LRRN4: variants seen among roughly 807,000 people sequenced by gnomAD.
The protein encoded by LRRN4 is leucine rich repeat neuronal 4, also known as leucine-rich repeat neuronal protein 4.
Under a neutral mutation model 22.3 loss-of-function variants are expected in LRRN4, and 26 were observed. The ratio of observed to expected loss-of-function variants is 1.16; its 90% CI spans 0.85 to 1.62. LRRN4 has a LOEUF of 1.62. LRRN4 is among the 40% of genes most tolerant of loss of function. The pLI is 0.00. For missense variants in LRRN4, 1,070 were observed against 1,008.5 expected, an observed-to-expected ratio of 1.06 and a Z score of -0.83; for synonymous variants, 496 against 486.2, an observed-to-expected ratio of 1.02 and a Z score of -0.26.
intron 3 of LRRN4, among the ~76,000 whole-genome samples, chr20:6,045,379 G>A (rs1013689577): frequency 2.7e-5 from 4 of 148,326 alleles, no homozygotes; most frequent in Non-Finnish European, 6.0e-5. Flanking sequence ...CAGAGGTTGC[G>A]GTGAGCCAAG....
chr20:6,051,258 A>G (rs918011867), intron 2 of LRRN4, among the ~76,000 whole-genome samples: 2 of 152,226 alleles, frequency 1.3e-5, no homozygotes, highest in Non-Finnish European at 2.9e-5. Context: ...AGCGGCAGAG[A>G]CAAGGCTTGA....
At chr20:6,042,379 A>C in intron 4 of LRRN4, 133 bp from the exon 5 acceptor site, 1 of 929,672 alleles carries the variant, frequency 1.1e-6, no homozygotes, top group Non-Finnish European at 1.6e-6. Flanking sequence ...CCCAGGGCAC[A>C]CACGCCGCAC....
Position 6,042,145 on chromosome 20 carries a change from C to T in LRRN4, c.1100G>A (p.Ser367Asn). Residue 367 changes from serine to asparagine, a missense_variant, in exon 5 of 5, where the codon AGC (serine) becomes AAC (asparagine). Ser to Asn is a conservative substitution (Grantham distance 46). Coordinates refer to ENST00000378858, the MANE Select transcript of LRRN4 (RefSeq NM_152611.5). ...TGGGTGTGAAGCCCCGAGAGTGGTG[C>T]TTTGGTCGGACTGGCACACTCCGGG... is the stretch of plus-strand genomic sequence containing the variant. ...QLPGVCQSDQ[S>N]TTLGASHPPC... The T allele has an allele frequency of 6.2e-7, 1 of 1,614,116 alleles. No individual in the cohort carries two copies.
rs1981229835 is a variant in LRRN4 at position 6,050,957 on chromosome 20, G to T, written c.682C>A (p.Pro228Thr). ...CTCAGGTAGAGGGATGTGAGCTTCG[G>T]CAGGTCTCTGATCCACCCTGACTCA... ...RVESGWIRDL[P>T]KLTSLYLRKM... Residue 228 changes from proline to threonine, a missense_variant, in exon 3 of 5, where the codon CCG (proline) becomes ACG (threonine). Pro to Thr is a conservative substitution (Grantham distance 38). Coordinates refer to ENST00000378858, the MANE Select transcript of LRRN4 (RefSeq NM_152611.5). The T allele has an allele frequency of 6.2e-7, 1 of 1,614,046 alleles. No individual in the cohort carries two copies. Among genetic ancestry groups the T allele is most frequent in the Admixed American group, 1.7e-5 (1 of 60,010 alleles).
chr20:6,046,251 C>T (rs936748938), intron 3 of LRRN4, among the ~76,000 whole-genome samples: 1 of 148,646 alleles, frequency 6.7e-6, no homozygotes, highest in Non-Finnish European at 1.5e-5. Flanking sequence ...TTACAGTGAG[C>T]CATGATTGTG....
intron 3 of LRRN4, 58 bp downstream of exon 3, chr20:6,050,721 C>T (rs1981221883): frequency 1.3e-6 from 2 of 1,501,926 alleles, no homozygotes; most frequent in Non-Finnish European, 9.3e-7. Flanking sequence ...TAAAATTCAA[C>T]ATAGCGTAAT....
chr20:6,050,655 C>T, intron 3 of LRRN4, 124 bp downstream of exon 3: 1 of 985,158 alleles, frequency 1.0e-6, no homozygotes, highest in Non-Finnish European at 1.6e-6. Flanking sequence ...GAAAACAAAG[C>T]CCCAGAGAGG....
intron 3 of LRRN4, among the ~76,000 whole-genome samples, chr20:6,048,854 T>G (rs2123056586): frequency 6.6e-6 from 1 of 152,270 alleles, no homozygotes; most frequent in South Asian, 2.1e-4. Context: ...GGGATGGTGC[T>G]GGAGTAGTGC....
In LRRN4 at chr20:6,041,585, G is replaced by A; in HGVS notation, c.1660C>T (p.His554Tyr). Reference sequence around the variant, plus strand: ...AGCTCCGCGCACGGGGTCTGCAGGTGCTTGCAGGGATGGTAATCACAGGGG... The same window carrying A: ...AGCTCCGCGCACGGGGTCTGCAGGTACTTGCAGGGATGGTAATCACAGGGG... Reference protein sequence around the residue: ...DVPCDYHPCKHLQTPCAELQR... With the variant: ...DVPCDYHPCKYLQTPCAELQR... Residue 554 changes from histidine to tyrosine, a missense_variant, in exon 5 of 5, where the codon CAC (histidine) becomes TAC (tyrosine). His to Tyr is a moderately conservative substitution (Grantham distance 83, BLOSUM62 2). Transcript: ENST00000378858. The surrounding 1 kb of genome is among the most constrained non-coding windows in gnomAD (Gnocchi z 9.4). 6.4e-7 allele frequency: 1 copy of A among 1,565,604 alleles called. No individual in the cohort carries two copies. Among genetic ancestry groups the A allele is most frequent in the Non-Finnish European group, 8.7e-7 (1 of 1,153,550 alleles).
chr20:6,051,110 T>G, intron 2 of LRRN4, 127 bp from the exon 3 acceptor site: 1 of 780,594 alleles, frequency 1.3e-6, no homozygotes, highest in African/African-American at 1.7e-5. Flanking sequence ...CGGGCACAGT[T>G]AGCAGCTCTG....
chr20:6,044,419 G>T, intron 4 of LRRN4, 124 bp downstream of exon 4: 1 of 1,018,932 alleles, frequency 9.8e-7, no homozygotes, highest in Non-Finnish European at 1.3e-6. Flanking sequence ...ACATGGGAAA[G>T]GCTGCCCAGC....
Position 6,052,285 on chromosome 20 carries a change from A to AGCGCGGGGAAGCAGGCGAAG in LRRN4, c.495_514dup (p.Leu172ProfsTer71), listed in dbSNP as rs1981269139. 1 of 1,537,962 alleles carries AGCGCGGGGAAGCAGGCGAAG rather than the reference A, an allele frequency of 6.5e-7. No individual in the cohort carries two copies. Among genetic ancestry groups the AGCGCGGGGAAGCAGGCGAAG allele is most frequent in the Admixed American group, 2.0e-5 (1 of 50,478 alleles). ...GGTGCAGGAGAGGTTGAGGAGCTGC[A>AGCGCGGGGAAGCAGGCGAAG]GCGCGGGGAAGCAGGCGAAGGCCCG... is the stretch of plus-strand genomic sequence containing the variant. On this transcript the variant is annotated frameshift_variant, in exon 2 of 5. Coordinates refer to ENST00000378858, the MANE Select transcript of LRRN4 (RefSeq NM_152611.5). LOFTEE classifies it high-confidence loss of function.
intron 4 of LRRN4, among the ~76,000 whole-genome samples, chr20:6,042,982 C>T (rs80199661): frequency 0.039 from 5,920 of 151,820 alleles, 373 homozygotes; most frequent in African/African-American, 0.13. Flanking sequence ...ACGTGCTAGG[C>T]GCTATTCTTC....
At position 6,052,395 on chromosome 20, in the gene LRRN4, G is replaced by A; in HGVS notation, c.405C>T (p.Ala135=). 6.5e-7 allele frequency: 1 copy of A among 1,529,996 alleles called. No homozygotes were observed. The highest frequency in any genetic ancestry group is 8.7e-7 in the Non-Finnish European group (1 of 1,147,968). 94.8% of individuals were successfully genotyped at this position (1,529,996 alleles called of 1,614,324 possible). A position where few individuals can be genotyped will look rare whatever the true frequency, so the allele number is the denominator to read the frequency against. The stretch of plus-strand genomic sequence containing the variant: ...CGGGCCCGGTGCACGGCGGCAGAGC[G>A]GCCAGCTGGTTGTAGCTGAGGTCCA... ...HTLDLSYNQL[A]ALPPCTGPAL... is the part of the protein sequence containing the mutation. The change falls in exon 2 of 5, where the codon GCC becomes GCT. Residue 135 remains alanine (A), a synonymous_variant. Coordinates refer to ENST00000378858, the MANE Select transcript of LRRN4 (RefSeq NM_152611.5).
In LRRN4 at chr20:6,041,702, A is replaced by T; in HGVS notation, c.1543T>A (p.Ser515Thr). Residue 515 changes from serine (S) to threonine (T), a missense_variant, in exon 5 of 5, where the codon TCC (serine) becomes ACC (threonine). Coordinates refer to ENST00000378858, the MANE Select transcript of LRRN4 (RefSeq NM_152611.5). This position sits in a 1 kb window ranked among gnomAD's most constrained non-coding sequence, Gnocchi z 9.4. ...AGCAAGACTGGAATCTCGCCCTCGG[A>T]AAGACTCGGGTTGGGGGCTTGGGGT... ...ATPQAPNPSL[S>T]EGEIPVLLLD... The T allele has an allele frequency of 6.2e-7, 1 of 1,613,224 alleles. No individual in the cohort carries two copies.
intron 3 of LRRN4, among the ~76,000 whole-genome samples, chr20:6,048,564 G>GT (rs1981164362): frequency 6.6e-6 from 1 of 152,174 alleles, no homozygotes; most frequent in Non-Finnish European, 1.5e-5. Flanking sequence ...CTGTGTCTCA[G>GT]TTTTTTCATC....
At position 6,052,630 on chromosome 20, in the gene LRRN4, G is replaced by GT; in HGVS notation, c.169dup (p.Thr57AsnfsTer161). 6.3e-7 allele frequency: 1 copy of GT among 1,587,756 alleles called. No individual in the cohort carries two copies. Among genetic ancestry groups the GT allele is most frequent in the Non-Finnish European group, 8.5e-7 (1 of 1,174,454 alleles). ...GTTGCGGTTCGCCAGGGTCAAGGCC[G>GT]TCGCATCCGCGGCGGGCAGCCCCTC... On this transcript the variant is annotated frameshift_variant, in exon 2 of 5. Transcript: ENST00000378858. LOFTEE classifies it high-confidence loss of function.
chr20:6,043,948 G>GC lies in LRRN4; in HGVS notation c.998+594_998+595insG, dbSNP rs577599567. On this transcript the variant is annotated intron_variant, in intron 4 of 4. Transcript: ENST00000378858. ...AAAGAATCCTGCAGAATGGTGGTGA[G>GC]GGGGGTTGCCTCCCAAGGTATAGTG... is the stretch of plus-strand genomic sequence containing the variant. 5.1e-3 allele frequency among the ~76,000 whole-genome samples: 776 copies of GC among 152,228 alleles called. 10 individuals carry two copies. The highest frequency in any genetic ancestry group is 0.017 in the African/African-American group (716 of 41,540).
intron 3 of LRRN4, among the ~76,000 whole-genome samples, chr20:6,046,652 A>G (rs916014942): frequency 1.3e-5 from 2 of 148,872 alleles, no homozygotes; most frequent in Admixed American, 1.3e-4. Context: ...CCTGCCCTTT[A>G]CTACTCTGGA....
Sources: allele counts gnomAD v4.1 joint callset (sites outside exome capture counted in the v4.1 genomes callset), GRCh38; gene constraint gnomAD v4.1.1; non-coding constraint Gnocchi (gnomAD v3.1); transcripts MANE v1.5; gene names NCBI Gene and HGNC (gene_info 2026-07-23, HGNC 2026-07-21).